ACTR5: variants seen among roughly 807,000 people sequenced by gnomAD.
ACTR5 encodes the protein actin-related protein 5.
ACTR5 carries 43 observed loss-of-function variants against 61.2 expected under a neutral mutation model. The ratio of observed to expected loss-of-function variants is 0.70; its 90% CI spans 0.55 to 0.91. The LOEUF (loss-of-function observed/expected upper bound fraction) is 0.91. Ranked by LOEUF, ACTR5 falls within the 40% of genes least tolerant of loss-of-function variation. The pLI, the probability that ACTR5 is intolerant of heterozygous loss-of-function variation, is 0.00. For synonymous variants in ACTR5, 333 were observed against 310.5 expected (o/e 1.07, Z -0.76); for missense variants, 798 against 782.2 (o/e 1.02, Z -0.24).
chr20:38,771,466 TG>T, intron 8 of ACTR5, 92 bp from the exon 9 acceptor site: 2 of 1,523,298 alleles, frequency 1.3e-6, no homozygotes, highest in South Asian at 2.5e-5. Flanking sequence ...TGTATATTTC[TG>T]GGGATAAAAT....
chr20:38,764,227 C>G (rs2084472035), intron 5 of ACTR5, among the ~76,000 whole-genome samples: 1 of 152,164 alleles, frequency 6.6e-6, no homozygotes, highest in Non-Finnish European at 1.5e-5. Context: ...AATGCATACT[C>G]AATGGCGCAG....
intron 2 of ACTR5, 105 bp from the exon 3 acceptor site, chr20:38,752,026 G>T: frequency 3.9e-6 from 5 of 1,279,628 alleles, no homozygotes; most frequent in African/African-American, 1.5e-5. Flanking sequence ...TCTCCTGCTG[G>T]TCTGTTTCTT....
intron 3 of ACTR5, among the ~76,000 whole-genome samples, chr20:38,754,587 C>T (rs761176514): frequency 1.3e-4 from 20 of 151,616 alleles, no homozygotes; most frequent in Admixed American, 2.6e-4. Flanking sequence ...GGCATGGTGG[C>T]AGGCGTCTGT....
intron 8 of ACTR5, among the ~76,000 whole-genome samples, chr20:38,770,845 C>T (rs6128947): frequency 0.17 from 25,936 of 152,218 alleles, 2,165 homozygotes; most frequent in Admixed American, 0.19. Flanking sequence ...GTTATGGCCT[C>T]TGCCCTTCAG....
At chr20:38,769,304 C>G (rs1315727733) in intron 8 of ACTR5, among the ~76,000 whole-genome samples, 1 of 152,216 alleles carries the variant, frequency 6.6e-6, no homozygotes, top group East Asian at 1.9e-4. Flanking sequence ...AGGGAAGAGA[C>G]AGCCACTGTC....
intron 5 of ACTR5, among the ~76,000 whole-genome samples, chr20:38,763,378 G>A (rs1021338413): frequency 2.0e-5 from 3 of 152,202 alleles, no homozygotes; most frequent in Non-Finnish European, 4.4e-5. Flanking sequence ...ACAAACTGCA[G>A]ATGGCAAGGG....
chr20:38,755,940 C>T lies in ACTR5; in HGVS notation c.1077C>T (p.Ser359=), dbSNP rs1160866277. The T allele has an allele frequency of 1.2e-6, 2 of 1,614,164 alleles. No individual in the cohort carries two copies. Among genetic ancestry groups the T allele is most frequent in the Non-Finnish European group, 1.7e-6 (2 of 1,180,038 alleles). Residue 359 remains serine (S), a synonymous_variant, in exon 5 of 9, where the codon TCC becomes TCT. Transcript: ENST00000243903. The part of the protein sequence containing the change: ...LNMDSPEELQ[S]YIQKLSIAVE... ...TGGACTCCCCAGAAGAGCTGCAGTC[C>T]TACATCCAGAAGCTCAGTATAGCAG... is the stretch of plus-strand genomic sequence containing the variant.
chr20:38,762,458 C>G (rs2084460760), intron 5 of ACTR5, among the ~76,000 whole-genome samples: 1 of 152,208 alleles, frequency 6.6e-6, no homozygotes. Flanking sequence ...CACTGAGACT[C>G]AAGGGGAGGA....
Position 38,771,841 on chromosome 20 carries a change from C to A in ACTR5, c.*25C>A. The A allele has an allele frequency of 6.3e-7, 1 of 1,597,458 alleles. No homozygotes were observed. The highest frequency in any genetic ancestry group is 1.3e-5 in the African/African-American group (1 of 74,798). ...GCAGAGGCCCTCCAGAGAGACTGCC[C>A]TGCACGCCATGCCTTGGGCCACGTT... On this transcript the variant is annotated 3_prime_UTR_variant, in exon 9 of 9. Coordinates refer to ENST00000243903, the MANE Select transcript of ACTR5 (RefSeq NM_024855.4).
Position 38,771,621 on chromosome 20 carries a change from C to T in ACTR5, c.1629C>T (p.Asn543=). The T allele has an allele frequency of 1.2e-6, 2 of 1,614,166 alleles. No individual in the cohort carries two copies. The highest frequency in any genetic ancestry group is 1.6e-4 in the Middle Eastern group (1 of 6,062). The change falls in exon 9 of 9, where the codon AAC becomes AAT. Residue 543 remains asparagine (N), a synonymous_variant. Transcript: ENST00000243903. The part of the protein sequence containing the change: ...AWYGARDWAL[N]HLDDNEVWIT... ...ACGGTGCTCGTGACTGGGCCTTGAA[C>T]CACCTAGATGATAATGAAGTTTGGA... is the stretch of plus-strand genomic sequence containing the variant.
In ACTR5 at chr20:38,772,030, T is replaced by G; in HGVS notation, c.*214T>G. ...GGGGGCTTCTGTGGTAGAGACTAAC[T>G]GGCCTTCTGATGTCTTTGTTCAACT... On this transcript the variant is annotated 3_prime_UTR_variant, in exon 9 of 9. Transcript: ENST00000243903. 1 of 632,320 alleles carries G rather than the reference T, an allele frequency of 1.6e-6. No individual in the cohort carries two copies. The highest frequency in any genetic ancestry group is 2.7e-6 in the Non-Finnish European group (1 of 376,326). 39.2% of individuals were successfully genotyped at this position (632,320 alleles called of 1,614,324 possible). A position where few individuals can be genotyped will look rare whatever the true frequency, so the allele number is the denominator to read the frequency against.
At chr20:38,753,572 G>C (rs2084399612) in intron 3 of ACTR5, among the ~76,000 whole-genome samples, 2 of 152,096 alleles carry the variant, frequency 1.3e-5, no homozygotes, top group South Asian at 2.1e-4. Flanking sequence ...GGGTGAACTT[G>C]TTTTCATTTC....
chr20:38,768,719 A>G (rs141204977), intron 8 of ACTR5, among the ~76,000 whole-genome samples: 452 of 152,296 alleles, frequency 3.0e-3, no homozygotes, highest in Non-Finnish European at 4.8e-3. Flanking sequence ...CATTCTTATC[A>G]GGTGGTGGTA....
chr20:38,756,615 G>GT, intron 5 of ACTR5, among the ~76,000 whole-genome samples: 1 of 152,290 alleles, frequency 6.6e-6, no homozygotes, highest in African/African-American at 2.4e-5. Context: ...GTTAATAAGT[G>GT]TTTTTGAGGC....
In ACTR5 at chr20:38,766,293, G is replaced by A. The variant is rs377739375; in HGVS notation, c.1349G>A (p.Arg450Gln). 5.0e-6 allele frequency: 8 copies of A among 1,614,064 alleles called. No homozygotes were observed. Among genetic ancestry groups the A allele is most frequent in the East Asian group, 4.5e-5 (2 of 44,884 alleles). Reference protein sequence around the residue: ...HQLFVGTERIRAPEIIFQPSL... With the variant: ...HQLFVGTERIQAPEIIFQPSL... ...CTATTTGTTGGGACAGAAAGAATTC[G>A]AGCTCCAGAGATTATTTTCCAGCCA... Residue 450 changes from arginine (R) to glutamine (Q), a missense_variant, in exon 7 of 9, where the codon CGA becomes CAA. By Grantham distance (43) the Arg-to-Gln change is conservative. Transcript: ENST00000243903.
At chr20:38,770,966 C>T (rs1247524264) in intron 8 of ACTR5, among the ~76,000 whole-genome samples, 1 of 152,132 alleles carries the variant, frequency 6.6e-6, no homozygotes, top group Non-Finnish European at 1.5e-5. Context: ...CACAGGAGGC[C>T]CGATGGAAGC....
At chr20:38,760,573 T>G (rs950160094) in intron 5 of ACTR5, among the ~76,000 whole-genome samples, 1 of 152,242 alleles carries the variant, frequency 6.6e-6, no homozygotes, top group Non-Finnish European at 1.5e-5. Flanking sequence ...GCATGTGGCA[T>G]GTGCCGACTC....
chr20:38,770,941 C>A (rs746746795), intron 8 of ACTR5, among the ~76,000 whole-genome samples: 3 of 151,446 alleles, frequency 2.0e-5, no homozygotes, highest in Admixed American at 6.6e-5. Context: ...GGAAGTGAGG[C>A]GGGTAACTCC....
chr20:38,771,958 C>T lies in ACTR5; in HGVS notation c.*142C>T, dbSNP rs1474675805. ...CAAAATGGATTTCTCCTGGGGAGAA[C>T]AAAGTTAAGGGACACTGAGACCTGC... is the stretch of plus-strand genomic sequence containing the variant. On this transcript the variant is annotated 3_prime_UTR_variant, in exon 9 of 9. Coordinates refer to ENST00000243903, the MANE Select transcript of ACTR5 (RefSeq NM_024855.4). 5.7e-6 allele frequency: 7 copies of T among 1,233,976 alleles called. No homozygotes were observed. Among genetic ancestry groups the T allele is most frequent in the Admixed American group, 5.3e-5 (2 of 37,400 alleles). 76.4% of individuals were successfully genotyped at this position (1,233,976 alleles called of 1,614,324 possible). A position where few individuals can be genotyped will look rare whatever the true frequency, so the allele number is the denominator to read the frequency against.
Sources: allele counts gnomAD v4.1 joint callset (sites outside exome capture counted in the v4.1 genomes callset), GRCh38; gene constraint gnomAD v4.1.1; transcripts MANE v1.5; gene names NCBI Gene and HGNC (gene_info 2026-07-23, HGNC 2026-07-21).